The following CSNK1E variants were observed in gnomAD, a reference collection of about 807,000 sequenced individuals.
CSNK1E encodes casein kinase 1 epsilon, also known as casein kinase I isoform epsilon.
In CSNK1E, 17 loss-of-function variants were observed where a neutral mutation model predicts 46.1. The ratio of observed to expected loss-of-function variants is 0.37; its 90% confidence interval spans 0.25 to 0.55. The LOEUF is 0.55. Among genes scored for constraint, CSNK1E ranks in the 20% least tolerant of loss-of-function variants. The pLI is 0.82. For synonymous variants in CSNK1E, 241 were observed against 242.6 expected (o/e 0.99, Z 0.06); for missense variants, 386 against 595.4 (o/e 0.65, Z 3.66).
rs2092685083 is a variant in CSNK1E, at chr22:38,303,607, G to A, written c.77-359C>T. On this transcript the variant is annotated intron_variant, in intron 2 of 10. Transcript: ENST00000396832. This position sits in a 1 kb window ranked among gnomAD's most constrained non-coding sequence, Gnocchi z 4.7. ...CAAATTCAGGCAGTGAGGTCTGTCG[G>A]GTTGAGATGGTGGCACGTGCAGAAG... 6.6e-6 allele frequency among the ~76,000 whole-genome samples: 1 copy of A among 152,192 alleles called. No homozygotes were observed. The highest frequency in any genetic ancestry group is 2.1e-4 in the South Asian group (1 of 4,830).
chr22:38,294,104 C>T lies in CSNK1E; in HGVS notation c.1218+5G>A. 6.2e-7 allele frequency: 1 copy of T among 1,607,994 alleles called. No homozygotes were observed. The highest frequency in any genetic ancestry group is 1.8e-4 in the Middle Eastern group (1 of 5,630). On this transcript the variant is annotated splice_donor_5th_base_variant and intron_variant, in intron 9 of 10. Transcript: ENST00000396832. This position sits in a 1 kb window ranked among gnomAD's most constrained non-coding sequence, Gnocchi z 5.5. ...CCCAGAGGGACTGGCAGGGGGGCAG[C>T]TCACCTGTGAGGCTGGGATCCGGGA... is the stretch of plus-strand genomic sequence containing the variant.
chr22:38,314,458 C>T (rs537054296), intron 1 of CSNK1E, among the ~76,000 whole-genome samples: 3 of 152,328 alleles, frequency 2.0e-5, no homozygotes, highest in South Asian at 2.1e-4. Context: ...GGGATCACAA[C>T]GGGCATCAGC....
chr22:38,291,899 T>G lies in CSNK1E; in HGVS notation c.*72A>C, dbSNP rs1471338133. 1 of 146,508 alleles carries G rather than the reference T, an allele frequency of 6.8e-6. No homozygotes were observed. Among genetic ancestry groups the G allele is most frequent in the East Asian group, 2.0e-4 (1 of 5,054 alleles). 9.1% of individuals were successfully genotyped at this position (146,508 alleles called of 1,614,324 possible). ...TTTGAGTGGTTTATTTTTGCCTTTT[T>G]TTTTTTTTTTTTTTTTTTAAAGAAA... On this transcript the variant is annotated 3_prime_UTR_variant, in exon 11 of 11. Transcript: ENST00000396832.
At chr22:38,305,560 T>C (rs896638414) in intron 2 of CSNK1E, among the ~76,000 whole-genome samples, 8 of 151,320 alleles carry the variant, frequency 5.3e-5, no homozygotes, top group Non-Finnish European at 1.0e-4. Context: ...AAAGAGCTAA[T>C]ATGTAATGAG....
At chr22:38,306,639 G>A (rs1190507293) in intron 2 of CSNK1E, among the ~76,000 whole-genome samples, 1 of 152,016 alleles carries the variant, frequency 6.6e-6, no homozygotes, top group African/African-American at 2.4e-5. Flanking sequence ...GCTGAGGCAG[G>A]AGAATTGCTT....
upstream of CSNK1E, among the ~76,000 whole-genome samples, chr22:38,317,590 G>A (rs1370207167): frequency 6.6e-6 from 1 of 152,030 alleles, no homozygotes; most frequent in Non-Finnish European, 1.5e-5. Context: ...CAGTGCAGGC[G>A]CGCGGGCTTA....
At chr22:38,310,009 C>G (rs768952692) in intron 2 of CSNK1E, among the ~76,000 whole-genome samples, 2 of 152,208 alleles carry the variant, frequency 1.3e-5, no homozygotes, top group Non-Finnish European at 2.9e-5. Flanking sequence ...AACCGCTAAG[C>G]TGAGGTTCAG....
At chr22:38,297,130 T>C (rs1315170744) in intron 7 of CSNK1E, 3 of 779,074 alleles carry the variant, frequency 3.9e-6, no homozygotes, top group African/African-American at 1.7e-5. Context: ...ATGTGGCCAA[T>C]GGCTACCATC....
chr22:38,301,035 T>G lies in CSNK1E; in HGVS notation c.337-83A>C, dbSNP rs528961653. 17 of 1,198,008 alleles carry G rather than the reference T, an allele frequency of 1.4e-5. No homozygotes were observed. The South Asian group carries it at 2.2e-4, about 16-fold the overall frequency. 74.2% of individuals were successfully genotyped at this position (1,198,008 alleles called of 1,614,324 possible). On this transcript the variant is annotated intron_variant, in intron 4 of 10. Transcript: ENST00000396832. ...CAGGCAGGGGCTGGGGCCACAGAGG[T>G]GGAAAGGCAGAGGGAGAAAGGCCTG...
At chr22:38,314,039 TG>T (rs768756857) in intron 2 of CSNK1E, 42 bp downstream of exon 2, 35 of 1,557,276 alleles carry the variant, frequency 2.2e-5, no homozygotes, top group Non-Finnish European at 3.0e-5. Flanking sequence ...CTTGGTCCCA[TG>T]GGCTGGCCCC....
Position 38,298,680 on chromosome 22 carries a change from TC to T in CSNK1E, c.885+105del. On this transcript the variant is annotated intron_variant, in intron 7 of 10. Transcript: ENST00000396832. The surrounding 1 kb of genome is among the most constrained non-coding windows in gnomAD (Gnocchi z 4.2). ...TCAACCACACTGTCCAGCTCGTACC[TC>T]CCGTCTGTCGGGAGCCCCTCCCGCC... The T allele has an allele frequency of 7.6e-7, 1 of 1,323,280 alleles. No homozygotes were observed. The highest frequency in any genetic ancestry group is 2.3e-5 in the East Asian group (1 of 43,286). 82.0% of individuals were successfully genotyped at this position (1,323,280 alleles called of 1,614,324 possible). A position where few individuals can be genotyped will look rare whatever the true frequency, so the allele number is the denominator to read the frequency against.
In CSNK1E at chr22:38,298,608, A is replaced by G. The variant is rs2092654026; in HGVS notation, c.885+178T>C. On this transcript the variant is annotated intron_variant, in intron 7 of 10. Coordinates refer to ENST00000396832, the MANE Select transcript of CSNK1E (RefSeq NM_152221.3). This position sits in a 1 kb window ranked among gnomAD's most constrained non-coding sequence, Gnocchi z 4.2. ...GGGCCCTGCTGCCCATGGTGGCACA[A>G]GCTGTCAGCACGGATGAGGCTGGAG... 3 of 689,388 alleles carry G rather than the reference A, an allele frequency of 4.4e-6. No individual in the cohort carries two copies. Among genetic ancestry groups the G allele is most frequent in the African/African-American group, 3.6e-5 (2 of 55,880 alleles). The allele number at this position is 689,388 out of a possible 1,614,324, so 42.7% of individuals were successfully genotyped here. A position where few individuals can be genotyped will look rare whatever the true frequency, so the allele number is the denominator to read the frequency against.
rs1484620388 is a variant in CSNK1E at position 38,309,292 on chromosome 22, T to G, written c.76+4790A>C. On this transcript the variant is annotated intron_variant, in intron 2 of 10. Coordinates refer to ENST00000396832, the MANE Select transcript of CSNK1E (RefSeq NM_152221.3). The surrounding 1 kb of genome is among the most constrained non-coding windows in gnomAD (Gnocchi z 4.8). ...GGCAAGAGCTGACGGTGGCCCTGCC[T>G]GGGCAGGGTGCAGAAACTGATTGAC... Among the ~76,000 whole-genome samples, 1 of 152,146 alleles carries G rather than the reference T, an allele frequency of 6.6e-6. No homozygotes were observed. Among genetic ancestry groups the G allele is most frequent in the Non-Finnish European group, 1.5e-5 (1 of 68,016 alleles).
In CSNK1E at chr22:38,303,383, G is replaced by C; in HGVS notation, c.77-135C>G. 1.4e-6 allele frequency: 1 copy of C among 726,242 alleles called. No individual in the cohort carries two copies. The highest frequency in any genetic ancestry group is 1.9e-5 in the South Asian group (1 of 53,272). 45.0% of individuals were successfully genotyped at this position (726,242 alleles called of 1,614,324 possible). A position where few individuals can be genotyped will look rare whatever the true frequency, so the allele number is the denominator to read the frequency against. On this transcript the variant is annotated intron_variant, in intron 2 of 10. Coordinates refer to ENST00000396832, the MANE Select transcript of CSNK1E (RefSeq NM_152221.3). The surrounding 1 kb of genome is among the most constrained non-coding windows in gnomAD (Gnocchi z 4.7). ...CTGCCCTTGAGGAGCTCTTGGGGGAGGCTGGGAAGGGGGCAAAGGAGCCCC... is the reference window on the plus strand; with the variant it reads ...CTGCCCTTGAGGAGCTCTTGGGGGACGCTGGGAAGGGGGCAAAGGAGCCCC...
intron 9 of CSNK1E, 161 bp downstream of exon 9, chr22:38,293,948 A>G (rs1301134392): frequency 9.8e-6 from 8 of 817,744 alleles, no homozygotes; most frequent in Non-Finnish European, 1.5e-5. Flanking sequence ...ATCAGACCTC[A>G]GAGGATTAAA....
chr22:38,300,046 G>A lies in CSNK1E; in HGVS notation c.585C>T (p.Asp195=). Residue 195 remains aspartate, a synonymous_variant, in exon 6 of 11, where the codon GAC becomes GAT. Coordinates refer to ENST00000396832, the MANE Select transcript of CSNK1E (RefSeq NM_152221.3). This position sits in a 1 kb window ranked among gnomAD's most constrained non-coding sequence, Gnocchi z 4.4. The part of the protein sequence containing the change: ...HLGIEQSRRD[D]LESLGYVLMY... ...TGAGCACGTAGCCCAGGCTCTCCAG[G>A]TCATCTCGACGGCTTTGCTCTGCAC... 1 of 1,613,986 alleles carries A rather than the reference G, an allele frequency of 6.2e-7. No individual in the cohort carries two copies. The highest frequency in any genetic ancestry group is 2.2e-5 in the East Asian group (1 of 44,884).
chr22:38,310,808 C>T (rs1343363492), intron 2 of CSNK1E, among the ~76,000 whole-genome samples: 1 of 152,244 alleles, frequency 6.6e-6, no homozygotes, highest in East Asian at 1.9e-4. Flanking sequence ...GAAAGCAGGG[C>T]TTGGAGGACG....
chr22:38,308,781 C>G (rs1442862408), intron 2 of CSNK1E, among the ~76,000 whole-genome samples: 2 of 151,998 alleles, frequency 1.3e-5, no homozygotes, highest in Non-Finnish European at 2.9e-5. Flanking sequence ...CTCCTGGCTC[C>G]CAAACAGGAC....
chr22:38,307,709 C>A (rs1447109443), intron 2 of CSNK1E, among the ~76,000 whole-genome samples: 2 of 152,148 alleles, frequency 1.3e-5, no homozygotes, highest in African/African-American at 4.8e-5. Flanking sequence ...TTTTCTTTTT[C>A]TTTTTGAGAC....
Sources: allele counts gnomAD v4.1 joint callset (sites outside exome capture counted in the v4.1 genomes callset), GRCh38; gene constraint gnomAD v4.1.1; non-coding constraint Gnocchi (gnomAD v3.1); transcripts MANE v1.5; gene names NCBI Gene and HGNC (gene_info 2026-07-23, HGNC 2026-07-21).